CLEC4E: variants seen among roughly 807,000 people sequenced by gnomAD.
The protein encoded by CLEC4E is C-type (calcium dependent, carbohydrate-recognition domain) lectin, superfamily member 9.
Under a neutral mutation model 24.7 loss-of-function variants are expected in CLEC4E, and 21 were observed. The observed-to-expected ratio is 0.85, with a 90% CI of 0.60 to 1.22. The LOEUF is 1.22. CLEC4E is among the 50% of genes most tolerant of loss of function. CLEC4E has a pLI of 0.00. For synonymous variants in CLEC4E, 94 were observed against 85.7 expected (o/e 1.10, Z -0.54); for missense variants, 249 against 254.1 (o/e 0.98, Z 0.14).
intron 2 of CLEC4E, 51 bp downstream of exon 2, chr12:8,539,804 T>C (rs766991792): frequency 4.2e-6 from 5 of 1,184,074 alleles, no homozygotes; most frequent in Admixed American, 3.4e-5. Context: ...AAGAGTTTTC[T>C]CCTAATATGC....
At chr12:8,537,529 G>A (rs995910659) in intron 3 of CLEC4E, among the ~76,000 whole-genome samples, 1 of 152,198 alleles carries the variant, frequency 6.6e-6, no homozygotes, top group Non-Finnish European at 1.5e-5. Context: ...TCTTAGTTAT[G>A]CTATTGATAT....
intron 5 of CLEC4E, 152 bp from the exon 6 acceptor site, chr12:8,534,961 A>G (rs1940593682): frequency 3.2e-6 from 2 of 625,924 alleles, no homozygotes; most frequent in East Asian, 5.9e-5. Flanking sequence ...AAGAAAAGGA[A>G]CCTCAGGAAG....
chr12:8,534,846 C>T lies in CLEC4E; in HGVS notation c.489-37G>A, dbSNP rs776175940. ...TGACATAGGAGACTTAAAATCCCAG[C>T]AAAAAGAGGTAAAGTAACCTAATAT... is the stretch of plus-strand genomic sequence containing the variant. On this transcript the variant is annotated intron_variant, in intron 5 of 5. Coordinates refer to ENST00000299663, the MANE Select transcript of CLEC4E (RefSeq NM_014358.4). 40 of 1,561,696 alleles carry T rather than the reference C, an allele frequency of 2.6e-5. No homozygotes were observed. The Admixed American group carries it at 7.6e-4, about 30-fold the overall frequency.
chr12:8,536,515 G>A (rs1300153043), intron 4 of CLEC4E, among the ~76,000 whole-genome samples: 5 of 152,094 alleles, frequency 3.3e-5, no homozygotes, highest in East Asian at 3.9e-4. Flanking sequence ...CCGAGATTGC[G>A]CCACTGCACT....
intron 5 of CLEC4E, 39 bp from the exon 6 acceptor site, chr12:8,534,848 A>G (rs1428856369): frequency 4.5e-6 from 7 of 1,560,876 alleles, no homozygotes; most frequent in Non-Finnish European, 6.1e-6. Context: ...AATCCCAGCA[A>G]AAAGAGGTAA....
At chr12:8,539,178 C>T in intron 3 of CLEC4E, 39 bp downstream of exon 3, 3 of 1,383,412 alleles carry the variant, frequency 2.2e-6, no homozygotes, top group Non-Finnish European at 3.1e-6. Flanking sequence ...GAAAATGTTG[C>T]TTTGTAAATT....
rs1418838886 is a variant in CLEC4E, at chr12:8,534,818, G to C, written c.489-9C>G. The C allele has an allele frequency of 1.2e-6, 2 of 1,609,946 alleles. No homozygotes were observed. Among genetic ancestry groups the C allele is most frequent in the South Asian group, 1.1e-5 (1 of 90,200 alleles). On this transcript the variant is annotated splice_polypyrimidine_tract_variant and intron_variant, in intron 5 of 5. Transcript: ENST00000299663. ...CCCCTACATCCCAGAAGCTGAAAAA[G>C]AATGACATAGGAGACTTAAAATCCC...
In CLEC4E at chr12:8,534,684, C is replaced by G. The variant is rs781676283; in HGVS notation, c.614G>C (p.Cys205Ser). 6.2e-7 allele frequency: 1 copy of G among 1,613,878 alleles called. No individual in the cohort carries two copies. The highest frequency in any genetic ancestry group is 8.5e-7 in the Non-Finnish European group (1 of 1,179,884). The change falls in exon 6 of 6, where the codon TGT becomes TCT. Residue 205 changes from cysteine to serine, a missense_variant. Transcript: ENST00000299663. ...CAAAGGATTTATTCCTACCATTTCA[C>G]AAATCCGAAAATAATTGAGGAAACA... ...VTCFLNYFRI[C>S]EMVGINPLNK...
chr12:8,539,957 GAAAGACAC>G lies in CLEC4E; in HGVS notation c.38-18_38-11del, dbSNP rs747047142. The G allele has an allele frequency of 6.6e-7, 1 of 1,525,154 alleles. No homozygotes were observed. The highest frequency in any genetic ancestry group is 2.2e-5 in the East Asian group (1 of 44,480). 94.5% of individuals were successfully genotyped at this position (1,525,154 alleles called of 1,614,324 possible). On this transcript the variant is annotated splice_polypyrimidine_tract_variant and intron_variant, in intron 1 of 5. Coordinates refer to ENST00000299663, the MANE Select transcript of CLEC4E (RefSeq NM_014358.4). ...GAGAAGCATCCTCTCTCTGTAGAAA[GAAAGACAC>G]AAACATGATCAATCTTCCCTAAGCA... is the stretch of plus-strand genomic sequence containing the variant.
chr12:8,540,263 T>C (rs1297580815), intron 1 of CLEC4E, among the ~76,000 whole-genome samples: 1 of 152,228 alleles, frequency 6.6e-6, no homozygotes, highest in African/African-American at 2.4e-5. Context: ...AACTCAGATA[T>C]ACAATTTTTC....
intron 3 of CLEC4E, among the ~76,000 whole-genome samples, chr12:8,538,427 C>A (rs187434310): frequency 1.1e-3 from 164 of 152,322 alleles, no homozygotes; most frequent in African/African-American, 3.8e-3. Context: ...AGGGAAGGTC[C>A]CCCTGTCCAG....
chr12:8,534,715 C>T lies in CLEC4E; in HGVS notation c.583G>A (p.Val195Ile), dbSNP rs1940589180. ...SSNPRQNWND[V>I]TCFLNYFRIC... ...CGAAAATAATTGAGGAAACAGGTTA[C>T]ATCATTCCAATTTTGCCTTGGGTTT... Residue 195 changes from valine to isoleucine, a missense_variant, in exon 6 of 6, where the codon GTA becomes ATA. Val to Ile is a conservative substitution (Grantham distance 29, BLOSUM62 3). Transcript: ENST00000299663. 2 of 1,613,962 alleles carry T rather than the reference C, an allele frequency of 1.2e-6. No homozygotes were observed. The highest frequency in any genetic ancestry group is 1.6e-4 in the Middle Eastern group (1 of 6,062).
At chr12:8,538,645 C>T (rs922533306) in intron 3 of CLEC4E, among the ~76,000 whole-genome samples, 12 of 152,172 alleles carry the variant, frequency 7.9e-5, no homozygotes, top group Non-Finnish European at 1.6e-4. Flanking sequence ...TACATGCTCT[C>T]GTCTCTGGAC....
At chr12:8,535,972 C>G (rs1940606401) in intron 5 of CLEC4E, 118 bp downstream of exon 5, 1 of 561,554 alleles carries the variant, frequency 1.8e-6, no homozygotes, top group Non-Finnish European at 3.2e-6. Flanking sequence ...TCTCCTTCAT[C>G]TTTTCTACCT....
intron 4 of CLEC4E, 115 bp from the exon 5 acceptor site, chr12:8,536,320 C>A: frequency 1.8e-6 from 1 of 552,394 alleles, no homozygotes; most frequent in Non-Finnish European, 3.3e-6. Context: ...CTTTGGGAGG[C>A]CGAGGCGGGT....
intron 3 of CLEC4E, among the ~76,000 whole-genome samples, chr12:8,537,663 C>A (rs533274059): frequency 1.3e-5 from 2 of 152,122 alleles, no homozygotes; most frequent in Admixed American, 1.3e-4. Flanking sequence ...AATCTCCATA[C>A]TGTAGTATAT....
At chr12:8,535,360 C>T (rs759408954) in intron 5 of CLEC4E, among the ~76,000 whole-genome samples, 1 of 152,078 alleles carries the variant, frequency 6.6e-6, no homozygotes, top group Non-Finnish European at 1.5e-5. Flanking sequence ...AATACTGATA[C>T]ATTCCAAGAA....
intron 5 of CLEC4E, 74 bp downstream of exon 5, chr12:8,536,016 C>T: frequency 4.7e-6 from 4 of 843,596 alleles, no homozygotes; most frequent in Non-Finnish European, 7.9e-6. Flanking sequence ...AATACCACCA[C>T]CAATAATGGA....
At chr12:8,539,815 A>T (rs757701740) in intron 2 of CLEC4E, 40 bp downstream of exon 2, 1 of 1,288,622 alleles carries the variant, frequency 7.8e-7, no homozygotes, top group Non-Finnish European at 1.1e-6. Flanking sequence ...CCTAATATGC[A>T]CCAGGAAGAA....
Sources: gnomAD v4.1 joint callset for allele counts (sites outside exome capture counted in the v4.1 genomes callset) on GRCh38, gnomAD v4.1.1 for gene constraint, MANE v1.5 for transcripts, NCBI Gene and HGNC (gene_info 2026-07-23, HGNC 2026-07-21) for gene names.